Variants in ESPL1 observed in about 807,000 individuals in gnomAD.
ESPL1 encodes the protein extra spindle pole bodies like 1, separase, also known as separin.
In ESPL1, 50 loss-of-function variants were observed where a neutral mutation model predicts 217.2. The observed-to-expected ratio is 0.23, with a 90% confidence interval of 0.18 to 0.29. The LOEUF (loss-of-function observed/expected upper bound fraction) is 0.29, where lower values mean the gene tolerates loss of function less well. Ranked by LOEUF, ESPL1 falls within the 10% of genes least tolerant of loss-of-function variation. The pLI is 1.00. For missense variants in ESPL1, 1,834 were observed against 2,603.0 expected, an observed-to-expected ratio of 0.70 and a Z score of 6.43; for synonymous variants, 994 against 1,081.3, an observed-to-expected ratio of 0.92 and a Z score of 1.58.
intron 7 of ESPL1, among the ~76,000 whole-genome samples, chr12:53,275,672 A>G (rs1943755058): frequency 6.7e-6 from 1 of 148,704 alleles, no homozygotes; most frequent in Non-Finnish European, 1.5e-5. Flanking sequence ...TGGAGCTTAT[A>G]TTCTACTTGG....
intron 5 of ESPL1, among the ~76,000 whole-genome samples, chr12:53,272,120 CTG>C (rs1943686433): frequency 6.6e-6 from 1 of 151,966 alleles, no homozygotes; most frequent in Admixed American, 6.6e-5. Flanking sequence ...TGAGTACTCA[CTG>C]TGTGCAACGC....
At chr12:53,270,174 C>T (rs1313544003) in intron 3 of ESPL1, 89 bp downstream of exon 3, 1 of 1,214,468 alleles carries the variant, frequency 8.2e-7, no homozygotes, top group East Asian at 2.3e-5. Context: ...GAGGTCCTGG[C>T]TCCCTCCTTG....
intron 6 of ESPL1, among the ~76,000 whole-genome samples, chr12:53,273,840 T>G (rs1373679588): frequency 6.5e-4 from 36 of 55,372 alleles, no homozygotes; most frequent in East Asian, 1.9e-3. Flanking sequence ...TTTTTGGTTT[T>G]TTTTTTTTTT....
Position 53,288,952 on chromosome 12 carries a change from T to C in ESPL1, c.4709-138T>C, listed in dbSNP as rs1944005743. Reference sequence around the variant, plus strand: ...GCCTGTTAGTTGCATGGCACCCCACTTGGCACATTGCCCTTCATAAATGGT... The same window carrying C: ...GCCTGTTAGTTGCATGGCACCCCACCTGGCACATTGCCCTTCATAAATGGT... On this transcript the variant is annotated intron_variant, in intron 20 of 30. Coordinates refer to ENST00000257934, the MANE Select transcript of ESPL1 (RefSeq NM_012291.5). The C allele has an allele frequency of 4.1e-5, 31 of 760,220 alleles. No individual in the cohort carries two copies. In the South Asian group the frequency reaches 5.1e-4, roughly 13 times the overall value. 47.1% of individuals were successfully genotyped at this position (760,220 alleles called of 1,614,324 possible). A position where few individuals can be genotyped will look rare whatever the true frequency, so the allele number is the denominator to read the frequency against.
chr12:53,269,474 T>C lies in ESPL1; in HGVS notation c.532T>C (p.Leu178=). Residue 178 remains leucine, a synonymous_variant, in exon 3 of 31, where the codon TTG becomes CTG. Coordinates refer to ENST00000257934, the MANE Select transcript of ESPL1 (RefSeq NM_012291.5). This position sits in a 1 kb window ranked among gnomAD's most constrained non-coding sequence, Gnocchi z 6.7. ...RLKALSFLVL[L]EDESTPCEVP... ...GAAGGCCTTGAGCTTCCTAGTACTC[T>C]TGGAGGATGAAAGTACCCCTTGTGA... 1 of 1,614,226 alleles carries C rather than the reference T, an allele frequency of 6.2e-7. No individual in the cohort carries two copies. The highest frequency in any genetic ancestry group is 1.6e-4 in the Middle Eastern group (1 of 6,062).
At chr12:53,275,048 A>G (rs779634274) in intron 7 of ESPL1, 38 bp downstream of exon 7, 1 of 1,467,874 alleles carries the variant, frequency 6.8e-7, no homozygotes, top group Admixed American at 2.6e-5. Flanking sequence ...CATGCTTGTA[A>G]TCCCAGCACT....
chr12:53,283,653 A>G (rs1943900569), intron 16 of ESPL1, 115 bp downstream of exon 16: 2 of 1,033,298 alleles, frequency 1.9e-6, no homozygotes, highest in East Asian at 4.8e-5. Context: ...CATTCGTGGA[A>G]AAAGGCATTC....
chr12:53,291,659 G>A, intron 25 of ESPL1, 31 bp from the exon 26 acceptor site: 1 of 1,597,172 alleles, frequency 6.3e-7, no homozygotes, highest in Non-Finnish European at 8.5e-7. Flanking sequence ...CATGAATGAA[G>A]ATGGTGCTCA....
In ESPL1 at chr12:53,292,352, C is replaced by T; in HGVS notation, c.5871C>T (p.Asn1957=). Residue 1957 remains asparagine (N), a synonymous_variant, in exon 28 of 31, where the codon AAC becomes AAT. Coordinates refer to ENST00000257934, the MANE Select transcript of ESPL1 (RefSeq NM_012291.5). The surrounding 1 kb of genome is among the most constrained non-coding windows in gnomAD (Gnocchi z 4.5). ...STFYVLNPHN[N]LSSTEEQFRA... ...TCTATGTCCTGAACCCTCACAATAA[C>T]CTGTCAAGCACAGAGGAGCAATTTC... The T allele has an allele frequency of 6.2e-7, 1 of 1,614,054 alleles. No homozygotes were observed. Among genetic ancestry groups the T allele is most frequent in the Non-Finnish European group, 8.5e-7 (1 of 1,179,992 alleles).
Position 53,289,213 on chromosome 12 carries a change from G to A in ESPL1, c.4832G>A (p.Arg1611Gln), listed in dbSNP as rs1297378045. The change falls in exon 21 of 31, where the codon CGG (arginine) becomes CAG (glutamine). Residue 1611 changes from arginine to glutamine, a missense_variant. Coordinates refer to ENST00000257934, the MANE Select transcript of ESPL1 (RefSeq NM_012291.5). ...TTCCTGGCCTTGTGCCTGGGCCACC[G>A]GGATCCTTATGCCACTGCTTTCCTT... ...CRFLALCLGH[R>Q]DPYATAFLVT... The A allele has an allele frequency of 1.5e-5, 25 of 1,613,568 alleles. No individual in the cohort carries two copies. Among genetic ancestry groups the A allele is most frequent in the Admixed American group, 5.0e-5 (3 of 59,998 alleles).
Position 53,269,340 on chromosome 12 carries a change from G to C in ESPL1, c.398G>C (p.Arg133Pro), listed in dbSNP as rs371445719. The C allele has an allele frequency of 1.9e-6, 3 of 1,614,094 alleles. No individual in the cohort carries two copies. In the Middle Eastern group the frequency reaches 4.9e-4, roughly 266 times the overall value. Reference sequence around the variant, plus strand: ...CATGCCTGCTTGGTGCAGTGCTCTCGCGAGGCTGCTCCCCAGGACTATGAG... The same window carrying C: ...CATGCCTGCTTGGTGCAGTGCTCTCCCGAGGCTGCTCCCCAGGACTATGAG... ...PLHACLVQCSREAAPQDYEAV... is the reference protein window; with the variant it reads ...PLHACLVQCSPEAAPQDYEAV... Residue 133 changes from arginine (R) to proline (P), a missense_variant, in exon 3 of 31, where the codon CGC (arginine) becomes CCC (proline). Physicochemically the swap from Arg to Pro is moderately radical, Grantham distance 103 (BLOSUM62 -2). Around this residue, in one of 5 missense-constraint regions of ESPL1, gnomAD observed 746 missense variants for 1,077.0 expected, o/e 0.69. Coordinates refer to ENST00000257934, the MANE Select transcript of ESPL1 (RefSeq NM_012291.5). The surrounding 1 kb of genome is among the most constrained non-coding windows in gnomAD (Gnocchi z 6.7).
At chr12:53,278,156 A>G (rs1167944194) in intron 11 of ESPL1, among the ~76,000 whole-genome samples, 196 bp downstream of exon 11, 1 of 152,188 alleles carries the variant, frequency 6.6e-6, no homozygotes, top group Non-Finnish European at 1.5e-5. Context: ...AAGTTGCTTA[A>G]CCTAAGCCCA....
intron 17 of ESPL1, among the ~76,000 whole-genome samples, chr12:53,285,010 C>CA (rs546915854): frequency 0.019 from 1,937 of 100,454 alleles, 104 homozygotes; most frequent in African/African-American, 0.067. Context: ...GACTCTGACT[C>CA]AAAAAAAAAA....
At position 53,286,422 on chromosome 12, in the gene ESPL1, T is replaced by G. The variant is rs1178833121; in HGVS notation, c.3686T>G (p.Leu1229Arg). Residue 1229 changes from leucine (L) to arginine (R), a missense_variant, in exon 18 of 31, where the codon CTG (leucine) becomes CGG (arginine). By Grantham distance (102) the Leu-to-Arg change is moderately radical. Around this residue, in one of 5 missense-constraint regions of ESPL1, gnomAD observed 681 missense variants for 808.0 expected, o/e 0.84. Coordinates refer to ENST00000257934, the MANE Select transcript of ESPL1 (RefSeq NM_012291.5). The surrounding 1 kb of genome is among the most constrained non-coding windows in gnomAD (Gnocchi z 5.3). ...GAGATCTTGGCTCAAGCATACACAC[T>G]GTTGGCACTGGAGGGCCTGAACCAG... ...LDEILAQAYT[L>R]LALEGLNQPS... The G allele has an allele frequency of 6.2e-7, 1 of 1,614,072 alleles. No individual in the cohort carries two copies. Among genetic ancestry groups the G allele is most frequent in the African/African-American group, 1.3e-5 (1 of 74,928 alleles).
chr12:53,289,438 G>A lies in ESPL1; in HGVS notation c.4957G>A (p.Ala1653Thr), dbSNP rs112624761. 2.1e-4 allele frequency: 340 copies of A among 1,614,020 alleles called. 1 individual carries two copies. In the African/African-American group the frequency reaches 3.5e-3, roughly 16 times the overall value. ...AQKHRGSLEI[A>T]DQLQGLSLQE... is the part of the protein sequence containing the mutation. ...GAAGCACCGAGGATCACTTGAAATA[G>A]CAGACCAGCTGCAGGGGCTGAGCCT... The change falls in exon 22 of 31, where the codon GCA becomes ACA. Residue 1653 changes from alanine (A) to threonine (T), a missense_variant. Transcript: ENST00000257934.
At chr12:53,275,092 C>T (rs1417263829) in intron 7 of ESPL1, 82 bp downstream of exon 7, 1 of 1,172,530 alleles carries the variant, frequency 8.5e-7, no homozygotes, top group Non-Finnish European at 1.2e-6. Context: ...CACTTGAGGT[C>T]AGGAGTTTGA....
At position 53,275,087 on chromosome 12, in the gene ESPL1, G is replaced by C. The variant is rs962435602; in HGVS notation, c.1700+77G>C. On this transcript the variant is annotated intron_variant, in intron 7 of 30. Coordinates refer to ENST00000257934, the MANE Select transcript of ESPL1 (RefSeq NM_012291.5). ...GGAAGCCGAGGCGGGTGGATCACTT[G>C]AGGTCAGGAGTTTGAGACCATGGCC... 8 of 1,204,382 alleles carry C rather than the reference G, an allele frequency of 6.6e-6. No individual in the cohort carries two copies. The East Asian group carries it at 2.2e-4, about 33-fold the overall frequency. 74.6% of individuals were successfully genotyped at this position (1,204,382 alleles called of 1,614,324 possible). A position where few individuals can be genotyped will look rare whatever the true frequency, so the allele number is the denominator to read the frequency against.
chr12:53,286,444 C>G lies in ESPL1; in HGVS notation c.3708C>G (p.Asn1236Lys), dbSNP rs763485126. The change falls in exon 18 of 31, where the codon AAC becomes AAG. Residue 1236 changes from asparagine to lysine, a missense_variant. By Grantham distance (94) the Asn-to-Lys change is moderately conservative. Transcript: ENST00000257934. The surrounding 1 kb of genome is among the most constrained non-coding windows in gnomAD (Gnocchi z 5.3). ...CACTGTTGGCACTGGAGGGCCTGAACCAGCCATCAAACGAGAGCCTGCAGA... is the reference window on the plus strand; with the variant it reads ...CACTGTTGGCACTGGAGGGCCTGAAGCAGCCATCAAACGAGAGCCTGCAGA... ...AYTLLALEGLNQPSNESLQKV... is the reference protein window; with the variant it reads ...AYTLLALEGLKQPSNESLQKV... The G allele has an allele frequency of 6.2e-7, 1 of 1,614,100 alleles. No homozygotes were observed. Among genetic ancestry groups the G allele is most frequent in the African/African-American group, 1.3e-5 (1 of 74,952 alleles).
intron 5 of ESPL1, among the ~76,000 whole-genome samples, chr12:53,271,240 C>T (rs1337767204): frequency 7.7e-6 from 1 of 130,140 alleles, no homozygotes; most frequent in Non-Finnish European, 1.6e-5. Context: ...CTGGCACAAT[C>T]ACGGCTCAAC....
Sources: allele counts gnomAD v4.1 joint callset (sites outside exome capture counted in the v4.1 genomes callset), GRCh38; gene constraint gnomAD v4.1.1; regional missense constraint gnomAD v4.1.1; non-coding constraint Gnocchi (gnomAD v3.1); transcripts MANE v1.5; gene names NCBI Gene and HGNC (gene_info 2026-07-23, HGNC 2026-07-21).